The following BANK1 variants were observed in gnomAD, a reference collection of about 807,000 sequenced individuals.
The protein encoded by BANK1 is B cell scaffold protein with ankyrin repeats 1, also known as B-cell scaffold protein with ankyrin repeats.
Under a neutral mutation model 94.5 loss-of-function variants are expected in BANK1, and 95 were observed. The ratio of observed to expected loss-of-function variants is 1.00; its 90% CI spans 0.85 to 1.19. The LOEUF is 1.19. Ranked by LOEUF, BANK1 falls within the 50% of genes most tolerant of loss-of-function variation. The probability of loss-of-function intolerance (pLI) is 0.00; values close to 1 mark genes in which losing one functional copy is unlikely to be tolerated. For synonymous variants in BANK1, 334 were observed against 308.4 expected (o/e 1.08, Z -0.87); for missense variants, 987 against 932.2 (o/e 1.06, Z -0.77).
intron 7 of BANK1, among the ~76,000 whole-genome samples, chr4:101,923,566 G>A (rs1381056335): frequency 6.6e-6 from 1 of 151,796 alleles, no homozygotes; most frequent in East Asian, 1.9e-4. Context: ...CATCAGGAAA[G>A]GTTCTTTCTG....
At chr4:101,796,343 A>T (rs957059288) in intron 1 of BANK1, among the ~76,000 whole-genome samples, 26 of 152,132 alleles carry the variant, frequency 1.7e-4, no homozygotes, top group African/African-American at 6.3e-4. Flanking sequence ...AGGAAAAAAA[A>T]AGTTTGGGCT....
intron 7 of BANK1, among the ~76,000 whole-genome samples, chr4:101,940,656 G>A (rs1006807049): frequency 4.6e-5 from 7 of 151,676 alleles, no homozygotes; most frequent in African/African-American, 7.3e-5. Context: ...TTTGCAGAAC[G>A]TCCCCCAAGA....
At chr4:102,026,841 A>T (rs947043719) in intron 9 of BANK1, among the ~76,000 whole-genome samples, 1 of 151,272 alleles carries the variant, frequency 6.6e-6, no homozygotes, top group South Asian at 2.1e-4. Flanking sequence ...AAAAAAAAAA[A>T]GGAATTTAGC....
chr4:101,998,002 C>T (rs986013951), intron 7 of BANK1, among the ~76,000 whole-genome samples: 7 of 152,100 alleles, frequency 4.6e-5, no homozygotes, highest in Non-Finnish European at 8.8e-5. Context: ...CTGTTAATTG[C>T]GATGTAAGAG....
chr4:102,027,686 C>T (rs199633931), intron 9 of BANK1, among the ~76,000 whole-genome samples: 1 of 139,072 alleles, frequency 7.2e-6, no homozygotes, highest in Non-Finnish European at 1.6e-5. Flanking sequence ...AAAAAAAAAG[C>T]CTTCTCCTCA....
At chr4:101,908,034 T>G (rs1442176751) in intron 6 of BANK1, among the ~76,000 whole-genome samples, 1 of 152,116 alleles carries the variant, frequency 6.6e-6, no homozygotes, top group Non-Finnish European at 1.5e-5. Flanking sequence ...ATGACTTTCT[T>G]CACAGAATTG....
At chr4:101,804,824 G>A (rs1725498557) in intron 1 of BANK1, among the ~76,000 whole-genome samples, 2 of 152,156 alleles carry the variant, frequency 1.3e-5, no homozygotes, top group African/African-American at 2.4e-5. Flanking sequence ...AAAGCTTCTA[G>A]TCAGCAGTAG....
At position 101,894,168 on chromosome 4, in the gene BANK1, G is replaced by T. The variant is rs139332776; in HGVS notation, c.904-1137G>T. 3.3e-5 allele frequency among the ~76,000 whole-genome samples: 5 copies of T among 151,954 alleles called. No homozygotes were observed. The East Asian group carries it at 9.7e-4, about 29-fold the overall frequency. On this transcript the variant is annotated intron_variant, in intron 5 of 16. Coordinates refer to ENST00000322953, the MANE Select transcript of BANK1 (RefSeq NM_017935.5). Reference sequence around the variant, plus strand: ...AACATGGTATCTGGGACTCTTCATTGCCCATATGTGATTACATTACTGAAT... The same window carrying T: ...AACATGGTATCTGGGACTCTTCATTTCCCATATGTGATTACATTACTGAAT...
At chr4:101,862,734 T>C in intron 4 of BANK1, 70 bp downstream of exon 4, 1 of 1,404,004 alleles carries the variant, frequency 7.1e-7, no homozygotes, top group Non-Finnish European at 9.4e-7. Flanking sequence ...TTATAATAAA[T>C]GGTTTCACTT....
chr4:101,827,473 A>G (rs1021680189), intron 1 of BANK1, among the ~76,000 whole-genome samples: 1 of 151,988 alleles, frequency 6.6e-6, no homozygotes, highest in African/African-American at 2.4e-5. Context: ...ATGAGGTTAG[A>G]ATGTTTTACT....
chr4:101,897,275 A>G (rs561395084), intron 6 of BANK1, among the ~76,000 whole-genome samples: 1 of 152,066 alleles, frequency 6.6e-6, no homozygotes, highest in South Asian at 2.1e-4. Flanking sequence ...CAATTTTACA[A>G]ATTTCCTCAG....
At position 101,995,022 on chromosome 4, in the gene BANK1, A is replaced by G. The variant is rs571877345; in HGVS notation, c.1207-26492A>G. Among the ~76,000 whole-genome samples the G allele has an allele frequency of 3.3e-5, 5 of 152,210 alleles. No homozygotes were observed. The South Asian group carries it at 1.0e-3, about 32-fold the overall frequency. On this transcript the variant is annotated intron_variant, in intron 7 of 16. Transcript: ENST00000322953. Reference sequence around the variant, plus strand: ...GTGCCAGTTTGTTGCATAGGTATACATGTGCCATGGTGGTTTGCTGCACCC... The same window carrying G: ...GTGCCAGTTTGTTGCATAGGTATACGTGTGCCATGGTGGTTTGCTGCACCC...
At chr4:101,974,417 A>G (rs917449542) in intron 7 of BANK1, among the ~76,000 whole-genome samples, 5 of 152,078 alleles carry the variant, frequency 3.3e-5, no homozygotes, top group Non-Finnish European at 7.4e-5. Context: ...TGTTCATAAT[A>G]CCTCCTACCT....
rs575247811 is a variant in BANK1, at chr4:102,010,213, A to C, written c.1207-11301A>C. Among the ~76,000 whole-genome samples the C allele has an allele frequency of 2.3e-3, 352 of 151,898 alleles. 4 individuals carry two copies. The East Asian group carries it at 0.025, about 11-fold the overall frequency. ...CCGGGAGGCAGAGCTTGCAGTGAGCAGAGATCCAGCCACTGCACTCCAGCC... is the reference window on the plus strand; with the variant it reads ...CCGGGAGGCAGAGCTTGCAGTGAGCCGAGATCCAGCCACTGCACTCCAGCC... On this transcript the variant is annotated intron_variant, in intron 7 of 16. Transcript: ENST00000322953.
intron 1 of BANK1, among the ~76,000 whole-genome samples, chr4:101,822,090 C>G (rs980691507): frequency 6.6e-6 from 1 of 152,132 alleles, no homozygotes; most frequent in Non-Finnish European, 1.5e-5. Context: ...CGTGGTGGCT[C>G]ATGCCTGTAA....
intron 4 of BANK1, among the ~76,000 whole-genome samples, chr4:101,865,155 G>A (rs2148878634): frequency 1.3e-5 from 2 of 152,210 alleles, no homozygotes; most frequent in Non-Finnish European, 2.9e-5. Context: ...GTCATACTTT[G>A]GGGTATTGTC....
At chr4:101,902,091 T>A (rs568126803) in intron 6 of BANK1, among the ~76,000 whole-genome samples, 1 of 152,300 alleles carries the variant, frequency 6.6e-6, no homozygotes, top group African/African-American at 2.4e-5. Context: ...CATTCCTATC[T>A]GGCTAAGTAT....
chr4:102,003,991 A>T (rs528313121), intron 7 of BANK1, among the ~76,000 whole-genome samples: 4 of 151,822 alleles, frequency 2.6e-5, no homozygotes, highest in African/African-American at 9.7e-5. Context: ...ACACATATAC[A>T]TATATGTATA....
At chr4:102,025,977 A>T (rs1476132683) in intron 9 of BANK1, among the ~76,000 whole-genome samples, 1 of 152,214 alleles carries the variant, frequency 6.6e-6, no homozygotes, top group Admixed American at 6.5e-5. Context: ...TTTTCAGATG[A>T]ACTTGGGTAC....
Sources: gnomAD v4.1 joint callset for allele counts (sites outside exome capture counted in the v4.1 genomes callset) on GRCh38, gnomAD v4.1.1 for gene constraint, MANE v1.5 for transcripts, NCBI Gene and HGNC (gene_info 2026-07-23, HGNC 2026-07-21) for gene names.